Variants in SNTB2 observed in about 807,000 individuals in gnomAD.
SNTB2 encodes the protein beta-2-syntrophin.
Under a neutral mutation model 46.2 loss-of-function variants are expected in SNTB2, and 34 were observed. The ratio of observed to expected loss-of-function variants is 0.74; its 90% CI spans 0.56 to 0.98. The LOEUF (loss-of-function observed/expected upper bound fraction) is 0.98. SNTB2 is among the 50% of genes least tolerant of loss of function. The pLI, the probability that SNTB2 is intolerant of heterozygous loss-of-function variation, is 0.00. For synonymous variants in SNTB2, 290 were observed against 312.6 expected (o/e 0.93, Z 0.76); for missense variants, 603 against 731.4 (o/e 0.82, Z 2.02).
intron 1 of SNTB2, among the ~76,000 whole-genome samples, chr16:69,213,236 G>T (rs888086182): frequency 6.6e-6 from 1 of 151,940 alleles, no homozygotes; most frequent in African/African-American, 2.4e-5. Context: ...CCTCTTTTTG[G>T]CACATATTGC....
intron 5 of SNTB2, among the ~76,000 whole-genome samples, chr16:69,285,783 C>T (rs1014624964): frequency 6.7e-6 from 1 of 148,214 alleles, no homozygotes; most frequent in African/African-American, 2.5e-5. Context: ...TGGCACCTGG[C>T]CTTTTCAGTT....
chr16:69,270,259 C>T lies in SNTB2; in HGVS notation c.1122C>T (p.Cys374=), dbSNP rs777070038. The part of the protein sequence containing the change: ...PWTRDAWASP[C]HSYPLVATRL... ...CAAGAGATGCCTGGGCGTCACCATG[C>T]CACAGCTACCCACTTGTTGCCACCA... Residue 374 remains cysteine (C), a synonymous_variant, in exon 4 of 7, where the codon TGC becomes TGT. Coordinates refer to ENST00000336278, the MANE Select transcript of SNTB2 (RefSeq NM_006750.4). The T allele has an allele frequency of 6.2e-7, 1 of 1,614,020 alleles. No homozygotes were observed. The highest frequency in any genetic ancestry group is 1.7e-5 in the Admixed American group (1 of 59,992).
intron 1 of SNTB2, among the ~76,000 whole-genome samples, chr16:69,244,129 C>T (rs1964645469): frequency 6.6e-6 from 1 of 152,140 alleles, no homozygotes. Context: ...TAAGTGCGGT[C>T]ACATAGCTTT....
chr16:69,292,394 A>AT (rs1173541276), intron 5 of SNTB2, among the ~76,000 whole-genome samples: 1 of 28,078 alleles, frequency 3.6e-5, no homozygotes, highest in African/African-American at 3.7e-4. Flanking sequence ...TATATATTAT[A>AT]TATATATATA....
At position 69,187,593 on chromosome 16, in the gene SNTB2, T is replaced by A; in HGVS notation, c.427T>A (p.Ser143Thr). The change falls in exon 1 of 7, where the codon TCC becomes ACC. Residue 143 changes from serine (S) to threonine (T), a missense_variant. Coordinates refer to ENST00000336278, the MANE Select transcript of SNTB2 (RefSeq NM_006750.4). ...GRENRMPILI[S>T]KIFPGLAADQ... ...CGAGAACCGGATGCCGATCCTCATCTCCAAGATCTTCCCCGGGCTGGCTGC... is the reference window on the plus strand; with the variant it reads ...CGAGAACCGGATGCCGATCCTCATCACCAAGATCTTCCCCGGGCTGGCTGC... 6.5e-6 allele frequency: 10 copies of A among 1,548,470 alleles called. No homozygotes were observed. Among genetic ancestry groups the A allele is most frequent in the Non-Finnish European group, 7.8e-6 (9 of 1,152,442 alleles).
intron 1 of SNTB2, chr16:69,235,848 G>A (rs956447377): frequency 7.8e-6 from 10 of 1,288,896 alleles, no homozygotes; most frequent in African/African-American, 4.6e-5. Flanking sequence ...GTTTGAACCC[G>A]TTAGCTACCA....
At chr16:69,293,149 TGAAA>T (rs763797765) in intron 5 of SNTB2, among the ~76,000 whole-genome samples, 18 of 152,160 alleles carry the variant, frequency 1.2e-4, no homozygotes, top group Middle Eastern at 3.4e-3. Flanking sequence ...AGAGCAAGAG[TGAAA>T]GAGAGAGGGC....
intron 3 of SNTB2, among the ~76,000 whole-genome samples, chr16:69,260,612 T>C (rs1964825643): frequency 6.6e-6 from 1 of 152,236 alleles, no homozygotes; most frequent in African/African-American, 2.4e-5. Flanking sequence ...TCACGGCTAC[T>C]TGACTCTTCT....
chr16:69,193,620 T>C (rs890047978), intron 1 of SNTB2, among the ~76,000 whole-genome samples: 2 of 152,110 alleles, frequency 1.3e-5, no homozygotes, highest in Non-Finnish European at 2.9e-5. Flanking sequence ...TGAGCCACCA[T>C]GTCCAGCCCA....
rs992486434 is a variant in SNTB2 at position 69,263,072 on chromosome 16, C to T, written c.1005+2812C>T. 5.9e-5 allele frequency among the ~76,000 whole-genome samples: 9 copies of T among 151,936 alleles called. No individual in the cohort carries two copies. In the South Asian group the frequency reaches 1.0e-3, roughly 18 times the overall value. On this transcript the variant is annotated intron_variant, in intron 3 of 6. Transcript: ENST00000336278. The stretch of plus-strand genomic sequence containing the variant: ...AACATCTCACTTTCCCCATCTACCC[C>T]TTACCTCAGCCTCTAGGAACTACCA...
chr16:69,263,972 T>A (rs889077483), intron 3 of SNTB2, among the ~76,000 whole-genome samples: 8 of 150,982 alleles, frequency 5.3e-5, no homozygotes, highest in Admixed American at 2.7e-4. Flanking sequence ...AAAAAAAAAA[T>A]TTTTTGTGTA....
chr16:69,290,418 A>G (rs1200641605), intron 5 of SNTB2, among the ~76,000 whole-genome samples: 1 of 152,226 alleles, frequency 6.6e-6, no homozygotes, highest in African/African-American at 2.4e-5. Flanking sequence ...TATGAAGACT[A>G]AGAAGCAGTA....
chr16:69,260,051 T>C lies in SNTB2; in HGVS notation c.796T>C (p.Leu266=), dbSNP rs377008817. ...NLSMPDLENR[L]IELHSPDSRN... is the part of the protein sequence containing the mutation. ...TTTTTTTTTTCTTTTTCCACACAGA[T>C]TGATAGAGCTACATTCTCCTGATAG... is the stretch of plus-strand genomic sequence containing the variant. The change falls in exon 3 of 7, where the codon TTG becomes CTG. Residue 266 remains leucine (L), a splice_region_variant and synonymous_variant. Coordinates refer to ENST00000336278, the MANE Select transcript of SNTB2 (RefSeq NM_006750.4). 1.2e-6 allele frequency: 2 copies of C among 1,612,842 alleles called. No individual in the cohort carries two copies. The highest frequency in any genetic ancestry group is 1.3e-5 in the African/African-American group (1 of 74,876).
chr16:69,260,054 A>C lies in SNTB2; in HGVS notation c.799A>C (p.Ile267Leu). The change falls in exon 3 of 7, where the codon ATA becomes CTA. Residue 267 changes from isoleucine (I) to leucine (L), a missense_variant. This residue lies in a region of SNTB2 where 537 missense variants were observed against 692.4 expected (regional missense o/e 0.78). Coordinates refer to ENST00000336278, the MANE Select transcript of SNTB2 (RefSeq NM_006750.4). ...LSMPDLENRL[I>L]ELHSPDSRNT... ...TTTTTTTCTTTTTCCACACAGATTG[A>C]TAGAGCTACATTCTCCTGATAGCAG... 2 of 1,611,670 alleles carry C rather than the reference A, an allele frequency of 1.2e-6. No individual in the cohort carries two copies. The highest frequency in any genetic ancestry group is 1.7e-6 in the Non-Finnish European group (2 of 1,178,608).
At chr16:69,242,542 A>T (rs1275678247) in intron 1 of SNTB2, among the ~76,000 whole-genome samples, 3 of 152,254 alleles carry the variant, frequency 2.0e-5, no homozygotes, top group Non-Finnish European at 4.4e-5. Flanking sequence ...ACAGAACAAC[A>T]TAAAGAAAAA....
chr16:69,199,595 C>CAAAAAAAAAAAAA lies in SNTB2; in HGVS notation c.580+11853_580+11865dup, dbSNP rs60011703. Among the ~76,000 whole-genome samples the CAAAAAAAAAAAAA allele has an allele frequency of 1.3e-3, 99 of 76,826 alleles. 5 individuals are homozygous for CAAAAAAAAAAAAA. Among genetic ancestry groups the CAAAAAAAAAAAAA allele is most frequent in the African/African-American group, 4.6e-3 (87 of 18,872 alleles). 50.4% of individuals were successfully genotyped at this position (76,826 alleles called of 152,430 possible). A position where few individuals can be genotyped will look rare whatever the true frequency, so the allele number is the denominator to read the frequency against. ...TGGACAACAGAGTGAAACACTGCCT[C>CAAAAAAAAAAAAA]AAAAAAAAAAAAAAAAGGCGATCTT... On this transcript the variant is annotated intron_variant, in intron 1 of 6. Transcript: ENST00000336278.
At chr16:69,283,930 C>G in intron 4 of SNTB2, 118 bp from the exon 5 acceptor site, 1 of 904,018 alleles carries the variant, frequency 1.1e-6, no homozygotes, top group South Asian at 1.7e-5. Flanking sequence ...TTTGAAATGT[C>G]TATATCCAAA....
intron 1 of SNTB2, among the ~76,000 whole-genome samples, chr16:69,203,162 C>T (rs899348697): frequency 6.6e-5 from 10 of 151,816 alleles, no homozygotes; most frequent in South Asian, 2.1e-4. Context: ...GGATTACAGG[C>T]GCCCACCACC....
At chr16:69,223,832 G>C (rs1403256970) in intron 1 of SNTB2, among the ~76,000 whole-genome samples, 3 of 151,962 alleles carry the variant, frequency 2.0e-5, no homozygotes, top group Non-Finnish European at 4.4e-5. Flanking sequence ...GGGTTTCACT[G>C]TGTTAGCCAG....
Sources: gnomAD v4.1 joint callset for allele counts (sites outside exome capture counted in the v4.1 genomes callset) on GRCh38, gnomAD v4.1.1 for gene constraint, gnomAD v4.1.1 regional missense constraint, MANE v1.5 for transcripts, NCBI Gene and HGNC (gene_info 2026-07-23, HGNC 2026-07-21) for gene names.